SYNE2: variants seen among roughly 807,000 people sequenced by gnomAD.
SYNE2 encodes the protein spectrin repeat containing nuclear envelope protein 2.
In SYNE2, 431 loss-of-function variants were observed where a neutral mutation model predicts 856.3. That is an observed-to-expected ratio of 0.50 (90% CI 0.47 to 0.55). The LOEUF (loss-of-function observed/expected upper bound fraction) is 0.55, where lower values mean the gene tolerates loss of function less well. Ranked by LOEUF, SYNE2 falls within the 20% of genes least tolerant of loss-of-function variation. The pLI is 0.00. For synonymous variants in SYNE2, 2,923 were observed against 2,872.3 expected (o/e 1.02, Z -0.56); for missense variants, 8,129 against 8,023.2 (o/e 1.01, Z -0.50).
In SYNE2 at chr14:63,971,965, G is replaced by A. The variant is rs1166497076; in HGVS notation, c.1128+4119G>A. Among the ~76,000 whole-genome samples, 10 of 152,326 alleles carry A rather than the reference G, an allele frequency of 6.6e-5. No homozygotes were observed. The East Asian group carries it at 1.9e-3, about 29-fold the overall frequency. ...AAGATACTTAATCTGGCTCTTCACA[G>A]GAAAAGTTTGCTGACCCTTTGCTTG... On this transcript the variant is annotated intron_variant, in intron 11 of 115. Transcript: ENST00000555002.
At chr14:63,798,583 G>A (rs941615248) in intron 1 of SYNE2, among the ~76,000 whole-genome samples, 3 of 151,658 alleles carry the variant, frequency 2.0e-5, no homozygotes, top group Admixed American at 6.6e-5. Flanking sequence ...TAGTAGACAC[G>A]GGGTTTCACC....
chr14:63,883,444 A>G (rs2094911889), intron 1 of SYNE2, among the ~76,000 whole-genome samples: 1 of 152,038 alleles, frequency 6.6e-6, no homozygotes, highest in African/African-American at 2.4e-5. Flanking sequence ...TGCAGCCTTG[A>G]TCACCAGGCT....
intron 72 of SYNE2, 47 bp from the exon 73 acceptor site, chr14:64,126,551 T>A: frequency 6.2e-7 from 1 of 1,614,158 alleles, no homozygotes; most frequent in Non-Finnish European, 8.5e-7. Flanking sequence ...CGTGGAAGCC[T>A]CTTGAGGTCA....
chr14:63,904,632 A>G (rs1010999354), intron 1 of SYNE2, among the ~76,000 whole-genome samples: 2 of 152,042 alleles, frequency 1.3e-5, no homozygotes, highest in Non-Finnish European at 2.9e-5. Flanking sequence ...AGAAGTGTCT[A>G]TTCATGTCCT....
chr14:64,069,019 G>A (rs2097380992), intron 51 of SYNE2, among the ~76,000 whole-genome samples: 1 of 152,160 alleles, frequency 6.6e-6, no homozygotes, highest in Non-Finnish European at 1.5e-5. Context: ...AGTGGTAGAT[G>A]AGGGGAGCCG....
chr14:63,775,856 T>G (rs1281880924), intron 1 of SYNE2, among the ~76,000 whole-genome samples: 1 of 152,162 alleles, frequency 6.6e-6, no homozygotes, highest in Non-Finnish European at 1.5e-5. Flanking sequence ...CTTTTGTTAA[T>G]GGGCTAAAAA....
rs761697655 is a variant in SYNE2 at position 63,938,188 on chromosome 14, G to A, written c.80-2426G>A. Among the ~76,000 whole-genome samples the A allele has an allele frequency of 2.0e-5, 3 of 152,196 alleles. No individual in the cohort carries two copies. In the East Asian group the frequency reaches 5.8e-4, roughly 29 times the overall value. The stretch of plus-strand genomic sequence containing the variant: ...TGCCAAGAATAAGGCCAGGTGTGAT[G>A]GCTCACGCCTGTAATCCCAGCACTT... On this transcript the variant is annotated intron_variant, in intron 2 of 115. Coordinates refer to ENST00000555002, the MANE Select transcript of SYNE2 (RefSeq NM_182914.3).
chr14:64,110,598 C>A (rs1235653224), intron 65 of SYNE2, among the ~76,000 whole-genome samples: 2 of 143,566 alleles, frequency 1.4e-5, no homozygotes, highest in African/African-American at 5.3e-5. Flanking sequence ...ACCCCCCCCC[C>A]CCCGCCAAAG....
chr14:64,103,940 A>T (rs937719256), intron 64 of SYNE2, among the ~76,000 whole-genome samples: 1 of 152,208 alleles, frequency 6.6e-6, no homozygotes, highest in Non-Finnish European at 1.5e-5. Context: ...CCTGTTTTCC[A>T]ATAGGATTCT....
intron 7 of SYNE2, among the ~76,000 whole-genome samples, chr14:63,951,542 A>G (rs980554331): frequency 6.6e-6 from 1 of 152,178 alleles, no homozygotes; most frequent in African/African-American, 2.4e-5. Context: ...ACCTCAGGTG[A>G]TCTGCCCACC....
In SYNE2 at chr14:64,053,433, C is replaced by T. The variant is rs1595163281; in HGVS notation, c.9520C>T (p.Gln3174Ter). The T allele has an allele frequency of 1.2e-6, 2 of 1,613,120 alleles. No individual in the cohort carries two copies. The highest frequency in any genetic ancestry group is 1.7e-6 in the Non-Finnish European group (2 of 1,179,802). Residue 3174 changes from glutamine (Q) to a stop codon, truncating the protein, a stop_gained, in exon 48 of 116, where the codon CAG becomes TAG. Transcript: ENST00000555002. LOFTEE classifies it high-confidence loss of function. ...AAATCAGATAAAATCTCAATTACAG[C>T]AGCCATTACTTATAAATTTGGAAAT... ...VLNQIKSQLQ[Q>*]PLLINLEIKH...
chr14:64,119,919 A>G (rs889650602), intron 67 of SYNE2, among the ~76,000 whole-genome samples: 1 of 152,238 alleles, frequency 6.6e-6, no homozygotes, highest in Non-Finnish European at 1.5e-5. Context: ...AGGATGTATT[A>G]TAAAGGAATT....
chr14:64,157,541 A>C (rs750540072), intron 85 of SYNE2, among the ~76,000 whole-genome samples: 1 of 152,132 alleles, frequency 6.6e-6, no homozygotes, highest in Admixed American at 6.6e-5. Context: ...TCGTGCTGCT[A>C]TGAACATTTG....
chr14:64,134,271 A>C, intron 78 of SYNE2, 71 bp downstream of exon 78: 1 of 1,524,918 alleles, frequency 6.6e-7, no homozygotes. Context: ...GTTTTGACTA[A>C]GTGGCTTGAT....
intron 88 of SYNE2, 40 bp downstream of exon 88, chr14:64,162,316 G>C: frequency 6.2e-7 from 1 of 1,600,288 alleles, no homozygotes; most frequent in Non-Finnish European, 8.6e-7. Flanking sequence ...GGCCAAGTCA[G>C]CCCAACAGAT....
At position 64,037,865 on chromosome 14, in the gene SYNE2, G is replaced by A. The variant is rs544351673; in HGVS notation, c.7221+6508G>A. 7.4e-3 allele frequency among the ~76,000 whole-genome samples: 1,122 copies of A among 151,010 alleles called. 13 individuals are homozygous for A. Among genetic ancestry groups the A allele is most frequent in the African/African-American group, 0.025 (1,043 of 41,140 alleles). ...GGGCTGACACCCCCACCTCCCTCCC[G>A]GACGGGGCGGCTGGCCGGGCGGGGG... On this transcript the variant is annotated intron_variant, in intron 45 of 115. Coordinates refer to ENST00000555002, the MANE Select transcript of SYNE2 (RefSeq NM_182914.3).
intron 98 of SYNE2, 177 bp downstream of exon 98, chr14:64,188,885 CAG>C (rs2098504480): frequency 1.4e-6 from 1 of 736,576 alleles, no homozygotes. Flanking sequence ...GAGGAGGTTC[CAG>C]AGAGATGGGA....
intron 49 of SYNE2, among the ~76,000 whole-genome samples, chr14:64,058,848 T>C (rs1319611533): frequency 6.6e-6 from 1 of 152,134 alleles, no homozygotes; most frequent in African/African-American, 2.4e-5. Flanking sequence ...TATTTTTTTC[T>C]ATTCTTTTTT....
chr14:64,040,844 A>G (rs1390347056), intron 45 of SYNE2, among the ~76,000 whole-genome samples: 1 of 151,858 alleles, frequency 6.6e-6, no homozygotes, highest in Non-Finnish European at 1.5e-5. Context: ...GAGGAAAAAT[A>G]TGAATCTTGT....
Sources: allele counts gnomAD v4.1 joint callset (sites outside exome capture counted in the v4.1 genomes callset), GRCh38; gene constraint gnomAD v4.1.1; transcripts MANE v1.5; gene names NCBI Gene and HGNC (gene_info 2026-07-23, HGNC 2026-07-21).